HIVEP1: variants seen among roughly 807,000 people sequenced by gnomAD.
HIVEP1 encodes HIVEP zinc finger 1, also known as zinc finger protein 40.
In HIVEP1, 36 loss-of-function variants were observed where a neutral mutation model predicts 180.0. The observed-to-expected ratio is 0.20, with a 90% CI of 0.15 to 0.26. The LOEUF is 0.26. HIVEP1 is among the 10% of genes least tolerant of loss of function. HIVEP1 has a pLI of 1.00. For missense variants in HIVEP1, 3,143 were observed against 3,268.7 expected (o/e 0.96, Z 0.94); for synonymous variants, 1,239 against 1,239.0 (o/e 1.00, Z 0.00).
chr6:12,179,791 T>C, the HIVEP1 span, among the ~76,000 whole-genome samples: 1 of 152,304 alleles, frequency 6.6e-6, no homozygotes, highest in African/African-American at 2.4e-5. Context: ...TACAATGATG[T>C]TAGGCATTTT....
intron 7 of HIVEP1, among the ~76,000 whole-genome samples, chr6:12,153,716 C>A (rs1759845872): frequency 6.6e-6 from 1 of 151,698 alleles, no homozygotes; most frequent in Non-Finnish European, 1.5e-5. Flanking sequence ...AAATTGATTT[C>A]AAGAATTGAT....
Position 12,120,643 on chromosome 6 carries a change from T to G in HIVEP1, c.848T>G (p.Leu283Trp). The G allele has an allele frequency of 6.2e-7, 1 of 1,614,220 alleles. No individual in the cohort carries two copies. Among genetic ancestry groups the G allele is most frequent in the Non-Finnish European group, 8.5e-7 (1 of 1,180,028 alleles). Residue 283 changes from leucine to tryptophan, a missense_variant, in exon 4 of 9, where the codon TTG becomes TGG. By Grantham distance (61) the Leu-to-Trp change is moderately conservative. Coordinates refer to ENST00000379388, the MANE Select transcript of HIVEP1 (RefSeq NM_002114.4). ...GGGGCAATGCAGTCAGCTTCTCATT[T>G]GTATCATCAACATGAACACTTTGTT... Reference protein sequence around the residue: ...EQGAMQSASHLYHQHEHFVPK... With the variant: ...EQGAMQSASHWYHQHEHFVPK...
chr6:12,087,705 C>T (rs112016910), intron 2 of HIVEP1, among the ~76,000 whole-genome samples: 1,539 of 152,176 alleles, frequency 0.01, 28 homozygotes, highest in African/African-American at 0.035. Flanking sequence ...AGCAAAACTA[C>T]CACTGAGCAC....
intron 2 of HIVEP1, among the ~76,000 whole-genome samples, chr6:12,074,181 G>T (rs1772174241): frequency 6.6e-6 from 1 of 152,162 alleles, no homozygotes; most frequent in African/African-American, 2.4e-5. Flanking sequence ...TTACTCAAAA[G>T]TTGGCACATG....
At chr6:12,178,148 C>T in the HIVEP1 span, among the ~76,000 whole-genome samples, 1 of 152,160 alleles carries the variant, frequency 6.6e-6, no homozygotes, top group South Asian at 2.1e-4. Context: ...TTTGGTACTA[C>T]CCTCAAAACT....
At chr6:12,210,589 T>G in the HIVEP1 span, among the ~76,000 whole-genome samples, 1 of 152,228 alleles carries the variant, frequency 6.6e-6, no homozygotes. Context: ...GCTGTGAAAT[T>G]GCTACCTTTC....
chr6:12,029,017 G>T (rs1486988194), intron 2 of HIVEP1, among the ~76,000 whole-genome samples: 3 of 152,174 alleles, frequency 2.0e-5, no homozygotes, highest in Non-Finnish European at 2.9e-5. Context: ...GTCGTAGCAT[G>T]TATCAGGATC....
chr6:12,156,007 G>T (rs1215034620), intron 7 of HIVEP1, among the ~76,000 whole-genome samples: 2 of 152,134 alleles, frequency 1.3e-5, no homozygotes, highest in Admixed American at 6.5e-5. Context: ...ATGATCAGTG[G>T]TGTTGAGCTT....
At chr6:12,148,134 G>A (rs866777031) in intron 7 of HIVEP1, among the ~76,000 whole-genome samples, 5 of 152,322 alleles carry the variant, frequency 3.3e-5, no homozygotes, top group Middle Eastern at 3.4e-3. Flanking sequence ...AGGAGTAGAA[G>A]AAGTGGCTGA....
At chr6:12,150,001 C>A (rs1222718561) in intron 7 of HIVEP1, among the ~76,000 whole-genome samples, 1 of 152,104 alleles carries the variant, frequency 6.6e-6, no homozygotes, top group Non-Finnish European at 1.5e-5. Context: ...GAAACGTTTG[C>A]GTTTAATGAA....
chr6:12,076,587 C>A (rs774103517), intron 2 of HIVEP1, among the ~76,000 whole-genome samples: 1 of 152,120 alleles, frequency 6.6e-6, no homozygotes. Flanking sequence ...AAGGACAAAC[C>A]CTGTGTCCTC....
intron 7 of HIVEP1, among the ~76,000 whole-genome samples, chr6:12,155,962 G>A (rs1209685776): frequency 6.6e-6 from 1 of 152,118 alleles, no homozygotes; most frequent in Admixed American, 6.6e-5. Context: ...GGCCTGAGAT[G>A]GTATCTCATT....
intron 4 of HIVEP1, 70 bp downstream of exon 4, chr6:12,125,940 A>T (rs1758044265): frequency 2.4e-6 from 2 of 836,952 alleles, no homozygotes; most frequent in Middle Eastern, 4.6e-4. Flanking sequence ...TGATACCTTT[A>T]AATATTTTAA....
At chr6:12,050,678 C>T (rs1440793577) in intron 2 of HIVEP1, among the ~76,000 whole-genome samples, 3 of 152,076 alleles carry the variant, frequency 2.0e-5, no homozygotes, top group Non-Finnish European at 4.4e-5. Context: ...TCTTTGCTTT[C>T]AAGATTAGCT....
intron 3 of HIVEP1, among the ~76,000 whole-genome samples, chr6:12,095,375 C>T (rs1773724135): frequency 6.6e-6 from 1 of 151,814 alleles, no homozygotes; most frequent in South Asian, 2.1e-4. Flanking sequence ...TCACTTAAAG[C>T]TGTTAATTTC....
intron 2 of HIVEP1, among the ~76,000 whole-genome samples, chr6:12,056,510 G>A (rs1485655324): frequency 6.6e-6 from 1 of 152,124 alleles, no homozygotes; most frequent in Non-Finnish European, 1.5e-5. Flanking sequence ...ATTTGAATAT[G>A]CCACTTTACT....
In HIVEP1 at chr6:12,104,425, C is replaced by CTTTTTTTT. The variant is rs70981665; in HGVS notation, c.94+15205_94+15212dup. ...CTCTCTCTCTCTCTCCTTTTCTTTC[C>CTTTTTTTT]TTTTTTTTTTTTTTTTTTTTTTTTC... On this transcript the variant is annotated intron_variant, in intron 3 of 8. Coordinates refer to ENST00000379388, the MANE Select transcript of HIVEP1 (RefSeq NM_002114.4). 2.2e-3 allele frequency among the ~76,000 whole-genome samples: 160 copies of CTTTTTTTT among 72,776 alleles called. 6 individuals are homozygous for CTTTTTTTT. Among genetic ancestry groups the CTTTTTTTT allele is most frequent in the Non-Finnish European group, 2.7e-3 (108 of 40,676 alleles). 47.7% of individuals were successfully genotyped at this position (72,776 alleles called of 152,430 possible).
chr6:12,086,037 C>G (rs1264792208), intron 2 of HIVEP1, among the ~76,000 whole-genome samples: 1 of 152,098 alleles, frequency 6.6e-6, no homozygotes, highest in Non-Finnish European at 1.5e-5. Context: ...AGGTATCACA[C>G]AAGATAGTTC....
intron 7 of HIVEP1, among the ~76,000 whole-genome samples, chr6:12,143,494 C>G (rs1234395235): frequency 2.0e-5 from 3 of 152,220 alleles, no homozygotes; most frequent in Non-Finnish European, 4.4e-5. Context: ...GATGCCCTCT[C>G]TCACCACTCC....
Sources: allele counts gnomAD v4.1 joint callset (sites outside exome capture counted in the v4.1 genomes callset), GRCh38; gene constraint gnomAD v4.1.1; transcripts MANE v1.5; gene names NCBI Gene and HGNC (gene_info 2026-07-23, HGNC 2026-07-21).